Variants in RYR2 observed in about 807,000 individuals in gnomAD.
RYR2 encodes ryanodine receptor 2.
In RYR2, 227 loss-of-function variants were observed where a neutral mutation model predicts 601.1. That is an observed-to-expected ratio of 0.38 (90% CI 0.34 to 0.42). The LOEUF (loss-of-function observed/expected upper bound fraction) is 0.42, where lower values mean the gene tolerates loss of function less well. Among genes scored for constraint, RYR2 ranks in the 10% least tolerant of loss-of-function variants. RYR2 has a pLI of 1.00. For synonymous variants in RYR2, 2,223 were observed against 2,175.1 expected, an observed-to-expected ratio of 1.02 and a Z score of -0.61; for missense variants, 4,646 against 6,156.5, an observed-to-expected ratio of 0.75 and a Z score of 8.21.
At chr1:237,441,575 A>G in intron 13 of RYR2, 92 bp downstream of exon 13, 2 of 1,243,690 alleles carry the variant, frequency 1.6e-6, no homozygotes, top group Non-Finnish European at 2.2e-6. Flanking sequence ...CTTTTTAGTC[A>G]CCTGCAAAAG....
rs540381342 is a variant in RYR2, at chr1:237,320,450, T to G, written c.169-10428T>G. On this transcript the variant is annotated intron_variant, in intron 2 of 104. Coordinates refer to ENST00000366574, the MANE Select transcript of RYR2 (RefSeq NM_001035.3). ...TAAGTGAGATGGACTTTTTGGTTAC[T>G]GTATTTTTTGTGTTCCATTAGCTTC... Among the ~76,000 whole-genome samples the G allele has an allele frequency of 2.0e-5, 3 of 152,334 alleles. No individual in the cohort carries two copies. The South Asian group carries it at 6.2e-4, about 32-fold the overall frequency.
At chr1:237,824,864 T>G (rs1662918147) in intron 101 of RYR2, among the ~76,000 whole-genome samples, 1 of 152,102 alleles carries the variant, frequency 6.6e-6, no homozygotes, top group Admixed American at 6.6e-5. Flanking sequence ...TCACAAGCAT[T>G]CCTATACACC....
intron 1 of RYR2, among the ~76,000 whole-genome samples, chr1:237,200,982 A>G (rs756202829): frequency 2.6e-5 from 4 of 152,220 alleles, no homozygotes; most frequent in Non-Finnish European, 5.9e-5. Context: ...TGTCAGTCAC[A>G]TAAGAGTAAT....
At chr1:237,774,956 T>C (rs1694538710) in intron 87 of RYR2, among the ~76,000 whole-genome samples, 3 of 149,664 alleles carry the variant, frequency 2.0e-5, no homozygotes, top group Admixed American at 6.6e-5. Context: ...GAAGCATCCA[T>C]TGAGCTCTTA....
intron 1 of RYR2, among the ~76,000 whole-genome samples, chr1:237,160,576 T>G (rs2490363): frequency 6.6e-6 from 1 of 151,660 alleles, no homozygotes; most frequent in Non-Finnish European, 1.5e-5. Flanking sequence ...ATGGAAGGGA[T>G]GATGGGCAGT....
intron 101 of RYR2, among the ~76,000 whole-genome samples, chr1:237,827,874 T>C (rs866482329): frequency 7.6e-5 from 10 of 131,850 alleles, no homozygotes; most frequent in East Asian, 7.4e-4. Flanking sequence ...GAGGCGGAGC[T>C]TGCAGTGAGC....
intron 76 of RYR2, among the ~76,000 whole-genome samples, chr1:237,728,418 C>T (rs1361913950): frequency 6.6e-6 from 1 of 152,090 alleles, no homozygotes; most frequent in East Asian, 1.9e-4. Context: ...TTTAACCCAG[C>T]AATCCCATGA....
rs148367253 is a variant in RYR2, at chr1:237,194,862, G to A, written c.49-75635G>A. Among the ~76,000 whole-genome samples, 10 of 152,274 alleles carry A rather than the reference G, an allele frequency of 6.6e-5. No individual in the cohort carries two copies. The East Asian group carries it at 1.7e-3, about 26-fold the overall frequency. On this transcript the variant is annotated intron_variant, in intron 1 of 104. Transcript: ENST00000366574. Reference sequence around the variant, plus strand: ...TAGAAAGGTGGCTGAAGAATAGTGGGAGGAAACCTGGGCTAGAATTTTGCT... The same window carrying A: ...TAGAAAGGTGGCTGAAGAATAGTGGAAGGAAACCTGGGCTAGAATTTTGCT...
At position 237,316,181 on chromosome 1, in the gene RYR2, T is replaced by G. The variant is rs146096803; in HGVS notation, c.169-14697T>G. On this transcript the variant is annotated intron_variant, in intron 2 of 104. Coordinates refer to ENST00000366574, the MANE Select transcript of RYR2 (RefSeq NM_001035.3). The stretch of plus-strand genomic sequence containing the variant: ...TAAAGTTCCCTTTTATGTCAGAGTT[T>G]AAAGAGTTTTTGCTTGATTTCCAGT... Among the ~76,000 whole-genome samples the G allele has an allele frequency of 4.6e-5, 7 of 152,322 alleles. No individual in the cohort carries two copies. The East Asian group carries it at 1.4e-3, about 29-fold the overall frequency.
intron 2 of RYR2, among the ~76,000 whole-genome samples, chr1:237,330,027 A>G (rs1173461389): frequency 6.6e-6 from 1 of 152,224 alleles, no homozygotes; most frequent in East Asian, 1.9e-4. Context: ...TTTTATACTA[A>G]TTCAGTTTTA....
chr1:237,071,885 C>T (rs4659768), intron 1 of RYR2, among the ~76,000 whole-genome samples: 136,887 of 152,304 alleles, frequency 0.9, 63,286 homozygotes, highest in East Asian at 1. Context: ...GATGAGGCGG[C>T]GGGGGTGCTG....
At chr1:237,536,857 G>C (rs1231278294) in intron 25 of RYR2, among the ~76,000 whole-genome samples, 1 of 151,488 alleles carries the variant, frequency 6.6e-6, no homozygotes, top group East Asian at 1.9e-4. Flanking sequence ...CTGCACTCCA[G>C]CCTGGGCGAC....
At chr1:237,687,954 C>A (rs898818804) in intron 63 of RYR2, among the ~76,000 whole-genome samples, 1 of 152,110 alleles carries the variant, frequency 6.6e-6, no homozygotes, top group Non-Finnish European at 1.5e-5. Context: ...AACATTGGAA[C>A]GTCATAGTCA....
chr1:237,445,194 T>G (rs1408589875), intron 13 of RYR2, among the ~76,000 whole-genome samples: 2 of 152,016 alleles, frequency 1.3e-5, no homozygotes, highest in Non-Finnish European at 2.9e-5. Flanking sequence ...AAAAATGAAG[T>G]AATAACTAAA....
At chr1:237,591,089 TCTCCTC>T (rs149710470) in intron 31 of RYR2, 97 bp downstream of exon 31, 24 of 739,070 alleles carry the variant, frequency 3.2e-5, no homozygotes, top group Middle Eastern at 4.0e-4. Flanking sequence ...TTTTCCTCCT[TCTCCTC>T]CTCCTCCTCC....
At chr1:237,491,336 T>C (rs1490259245) in intron 17 of RYR2, among the ~76,000 whole-genome samples, 2 of 152,182 alleles carry the variant, frequency 1.3e-5, no homozygotes, top group Non-Finnish European at 2.9e-5. Flanking sequence ...GATTACACTT[T>C]CAGTGCCAAG....
intron 1 of RYR2, among the ~76,000 whole-genome samples, chr1:237,160,230 T>C (rs1055697165): frequency 2.6e-5 from 4 of 152,214 alleles, no homozygotes; most frequent in African/African-American, 7.2e-5. Context: ...TTGTATTTCG[T>C]TAGGATCTGC....
At chr1:237,558,044 G>C (rs921182504) in intron 27 of RYR2, among the ~76,000 whole-genome samples, 1 of 152,164 alleles carries the variant, frequency 6.6e-6, no homozygotes, top group African/African-American at 2.4e-5. Context: ...CTAAGGGAGA[G>C]AGAGAGGTTG....
intron 2 of RYR2, among the ~76,000 whole-genome samples, chr1:237,328,602 TA>T (rs766457905): frequency 5.1e-4 from 74 of 145,380 alleles, no homozygotes; most frequent in Middle Eastern, 3.5e-3. Flanking sequence ...AAATTTTATT[TA>T]AAAAAAAAAA....
Sources: gnomAD v4.1 joint callset for allele counts (sites outside exome capture counted in the v4.1 genomes callset) on GRCh38, gnomAD v4.1.1 for gene constraint, MANE v1.5 for transcripts, NCBI Gene and HGNC (gene_info 2026-07-23, HGNC 2026-07-21) for gene names.